The following PIM2 variants were observed in gnomAD, a reference collection of about 807,000 sequenced individuals.
The protein encoded by PIM2 is serine/threonine-protein kinase pim-2.
Under a neutral mutation model 18.0 loss-of-function variants are expected in PIM2, and 3 were observed. That is an observed-to-expected ratio of 0.17 (90% CI 0.08 to 0.43). PIM2 has a LOEUF of 0.43. Among genes scored for constraint, PIM2 ranks in the 20% least tolerant of loss-of-function variants. PIM2 has a pLI of 0.99. For synonymous variants in PIM2, 117 were observed against 105.3 expected, an observed-to-expected ratio of 1.11 and a Z score of -0.68; for missense variants, 181 against 260.8, an observed-to-expected ratio of 0.69 and a Z score of 2.11.
intron 3 of PIM2, chrX:48,915,884 C>G (rs368915090): frequency 8.7e-6 from 1 of 114,309 alleles, no homozygotes; most frequent in South Asian, 3.4e-4. Flanking sequence ...CACTGCACTC[C>G]AGCTGTCTCA....
chrX:48,914,284 G>A lies in PIM2; in HGVS notation c.783C>T (p.Ala261=). ...FPAHVSPDCC[A]LIRRCLAPKP... ...TGGGGGCCAGGCACCGGCGGATTAG[G>A]GCACAGCAGTCTGTAGGCCAAGAAG... Residue 261 remains alanine (A), a synonymous_variant, in exon 6 of 6, where the codon GCC becomes GCT. Transcript: ENST00000376509. 1 of 1,210,634 alleles carries A rather than the reference G, an allele frequency of 8.3e-7. No homozygotes were observed. Among genetic ancestry groups the A allele is most frequent in the Non-Finnish European group, 1.1e-6 (1 of 894,927 alleles).
In PIM2 at chrX:48,918,850, C is replaced by T. The variant is rs782240881; in HGVS notation, c.-16G>A. On this transcript the variant is annotated 5_prime_UTR_variant, in exon 1 of 6. Coordinates refer to ENST00000376509, the MANE Select transcript of PIM2 (RefSeq NM_006875.4). ...TGGTCAACATGGAGGTGGCGCTGCG[C>T]AGATTGAGCCCACTGAACCCGCTAA... The T allele has an allele frequency of 1.1e-5, 13 of 1,189,677 alleles. No homozygotes were observed. The South Asian group carries it at 2.4e-4, about 22-fold the overall frequency.
intron 2 of PIM2, among the ~76,000 whole-genome samples, chrX:48,918,129 T>G (rs1383248771): frequency 9.2e-6 from 1 of 109,253 alleles, no homozygotes; most frequent in East Asian, 2.9e-4. Flanking sequence ...ACAATCTTCC[T>G]ATTTAGCTCT....
chrX:48,914,341 T>C (rs1306370195), intron 5 of PIM2, 47 bp from the exon 6 acceptor site: 1 of 1,207,378 alleles, frequency 8.3e-7, no homozygotes, highest in Non-Finnish European at 1.1e-6. Flanking sequence ...CAGTAGGGGG[T>C]ACTGGTCCCT....
In PIM2 at chrX:48,918,609, C is replaced by T. The variant is rs1557045542; in HGVS notation, c.98G>A (p.Arg33Gln). 6 of 1,204,549 alleles carry T rather than the reference C, an allele frequency of 5.0e-6. No individual in the cohort carries two copies. Among genetic ancestry groups the T allele is most frequent in the Non-Finnish European group, 6.7e-6 (6 of 890,450 alleles). ...KDREAFEAEYRLGPLLGKGGF... is the reference protein window; with the variant it reads ...KDREAFEAEYQLGPLLGKGGF... ...CCCCTTACCCAGGAGGGGGCCGAGTCGATACTCGGCCTCGAACGCTTCCCG... is the reference window on the plus strand; with the variant it reads ...CCCCTTACCCAGGAGGGGGCCGAGTTGATACTCGGCCTCGAACGCTTCCCG... Residue 33 changes from arginine (R) to glutamine (Q), a missense_variant, in exon 2 of 6, where the codon CGA becomes CAA. Arg to Gln is a conservative substitution (Grantham distance 43). Around this residue, in one of 5 missense-constraint regions of PIM2, gnomAD observed 104 missense variants for 125.3 expected, o/e 0.83. Coordinates refer to ENST00000376509, the MANE Select transcript of PIM2 (RefSeq NM_006875.4).
intron 3 of PIM2, among the ~76,000 whole-genome samples, chrX:48,916,725 G>GT (rs782449518): frequency 2.5e-4 from 28 of 111,311 alleles, no homozygotes; most frequent in South Asian, 1.1e-3. Context: ...GCGGGTGCCT[G>GT]TAATTCCAGC....
rs181095235 is a variant in PIM2, at chrX:48,918,910, T to C, written c.-76A>G. On this transcript the variant is annotated 5_prime_UTR_variant, in exon 1 of 6. Coordinates refer to ENST00000376509, the MANE Select transcript of PIM2 (RefSeq NM_006875.4). ...GCGTGGACGCCCGGGGCAGCGCAGC[T>C]GGGGAGCCAGGGCTGGGGGGCGCCA... 9.6e-5 allele frequency: 89 copies of C among 927,398 alleles called. No individual in the cohort carries two copies. In the East Asian group the frequency reaches 2.6e-3, roughly 27 times the overall value. 76.4% of individuals were successfully genotyped at this position (927,398 alleles called of 1,213,427 possible). A position where few individuals can be genotyped will look rare whatever the true frequency, so the allele number is the denominator to read the frequency against.
chrX:48,913,652 C>T lies in PIM2; in HGVS notation c.*479G>A, dbSNP rs782151605. On this transcript the variant is annotated 3_prime_UTR_variant, in exon 6 of 6. Transcript: ENST00000376509. The stretch of plus-strand genomic sequence containing the variant: ...GGCTGAGGCAGGTAAGCAGCTTGAC[C>T]CAATATGGGACCCTAGGCTAGGGGA... The T allele has an allele frequency of 9.2e-6, 1 of 109,277 alleles. No individual in the cohort carries two copies. Among genetic ancestry groups the T allele is most frequent in the Admixed American group, 9.9e-5 (1 of 10,132 alleles). 9.0% of individuals were successfully genotyped at this position (109,277 alleles called of 1,213,427 possible).
chrX:48,917,975 G>C, intron 2 of PIM2, 144 bp from the exon 3 acceptor site: 1 of 498,606 alleles, frequency 2.0e-6, no homozygotes, highest in Non-Finnish European at 3.6e-6. Flanking sequence ...CACAGAACGC[G>C]TACCAGGGCG....
chrX:48,918,665 G>T lies in PIM2; in HGVS notation c.62-20C>A. On this transcript the variant is annotated intron_variant, in intron 1 of 5. Transcript: ENST00000376509. Reference sequence around the variant, plus strand: ...TGCCTCCTACGCAGGCGGAGGCGAGGAAGTCAGGGTGGCGGCGTGCTGAGC... The same window carrying T: ...TGCCTCCTACGCAGGCGGAGGCGAGTAAGTCAGGGTGGCGGCGTGCTGAGC... The T allele has an allele frequency of 8.6e-7, 1 of 1,159,828 alleles. No homozygotes were observed. Among genetic ancestry groups the T allele is most frequent in the Non-Finnish European group, 1.2e-6 (1 of 852,636 alleles).
Position 48,915,308 on chromosome X carries a change from G to A in PIM2, c.307C>T (p.Leu103Phe), listed in dbSNP as rs781978891. 16 of 1,211,579 alleles carry A rather than the reference G, an allele frequency of 1.3e-5. No homozygotes were observed. The highest frequency in any genetic ancestry group is 1.8e-5 in the Non-Finnish European group (16 of 895,176). The change falls in exon 4 of 6, where the codon CTT becomes TTT. Residue 103 changes from leucine to phenylalanine, a missense_variant. By Grantham distance (22) the Leu-to-Phe change is conservative (BLOSUM62 0). Coordinates refer to ENST00000376509, the MANE Select transcript of PIM2 (RefSeq NM_006875.4). ...GGGHPGVIRLLDWFETQEGFM... is the reference protein window; with the variant it reads ...GGGHPGVIRLFDWFETQEGFM... ...CCCTCCTGTGTCTCAAACCAGTCAA[G>A]CAGGCGGATCACGCCAGGGTGCCCA...
rs2063552191 is a variant in PIM2, at chrX:48,913,319, C to T, written c.*812G>A. 1.8e-5 allele frequency: 2 copies of T among 110,540 alleles called. No individual in the cohort carries two copies. Among genetic ancestry groups the T allele is most frequent in the Non-Finnish European group, 3.8e-5 (2 of 52,814 alleles). 9.1% of individuals were successfully genotyped at this position (110,540 alleles called of 1,213,427 possible). On this transcript the variant is annotated 3_prime_UTR_variant, in exon 6 of 6. Coordinates refer to ENST00000376509, the MANE Select transcript of PIM2 (RefSeq NM_006875.4). Reference sequence around the variant, plus strand: ...GATTATTTACATTTTAGTAATTGGACAATCCCGGCTCAGGAGGAGGTTGCA... The same window carrying T: ...GATTATTTACATTTTAGTAATTGGATAATCCCGGCTCAGGAGGAGGTTGCA...
Position 48,914,270 on chromosome X carries a change from C to T in PIM2, c.797G>A (p.Cys266Tyr). 8.3e-7 allele frequency: 1 copy of T among 1,209,588 alleles called. No individual in the cohort carries two copies. Among genetic ancestry groups the T allele is most frequent in the Non-Finnish European group, 1.1e-6 (1 of 894,417 alleles). ...TCGGGAAGAAGGTTTGGGGGCCAGGCACCGGCGGATTAGGGCACAGCAGTC... is the reference window on the plus strand; with the variant it reads ...TCGGGAAGAAGGTTTGGGGGCCAGGTACCGGCGGATTAGGGCACAGCAGTC... ...SPDCCALIRR[C>Y]LAPKPSSRPS... Residue 266 changes from cysteine to tyrosine, a missense_variant, in exon 6 of 6, where the codon TGC (cysteine) becomes TAC (tyrosine). Coordinates refer to ENST00000376509, the MANE Select transcript of PIM2 (RefSeq NM_006875.4).
chrX:48,916,079 CAGTT>C (rs1267635579), intron 3 of PIM2, among the ~76,000 whole-genome samples: 1 of 112,695 alleles, frequency 8.9e-6, no homozygotes, highest in African/African-American at 3.2e-5. Flanking sequence ...CTCTGACAAG[CAGTT>C]AGCACTCAAT....
Position 48,915,120 on chromosome X carries a change from C to T in PIM2, c.495G>A (p.Lys165=), listed in dbSNP as rs184388253. ...GTAGGTCTATCAGGATGTTCTCATCCTTGATGTCACGATGGACAACTCCAC... is the reference window on the plus strand; with the variant it reads ...GTAGGTCTATCAGGATGTTCTCATCTTTGATGTCACGATGGACAACTCCAC... ...HSRGVVHRDI[K]DENILIDLRR... The change falls in exon 4 of 6, where the codon AAG becomes AAA. Residue 165 remains lysine, a synonymous_variant. Coordinates refer to ENST00000376509, the MANE Select transcript of PIM2 (RefSeq NM_006875.4). 5 of 1,210,877 alleles carry T rather than the reference C, an allele frequency of 4.1e-6. No individual in the cohort carries two copies. Among genetic ancestry groups the T allele is most frequent in the Non-Finnish European group, 5.6e-6 (5 of 895,249 alleles).
At chrX:48,914,616 C>CT in intron 4 of PIM2, 45 bp from the exon 5 acceptor site, 16 of 1,098,589 alleles carry the variant, frequency 1.5e-5, no homozygotes, top group Admixed American at 2.6e-5. Flanking sequence ...TCATGATGCC[C>CT]TTCTCCAACC....
rs1439336936 is a variant in PIM2 at position 48,913,458 on chromosome X, G to C, written c.*673C>G. On this transcript the variant is annotated 3_prime_UTR_variant, in exon 6 of 6. Transcript: ENST00000376509. Reference sequence around the variant, plus strand: ...CCATCCTAGTGTCTGGTGGTGTCCGGTGGTGTCCATCTTCCATTCCTTCCC... The same window carrying C: ...CCATCCTAGTGTCTGGTGGTGTCCGCTGGTGTCCATCTTCCATTCCTTCCC... 9.4e-6 allele frequency: 1 copy of C among 106,343 alleles called. No homozygotes were observed. The highest frequency in any genetic ancestry group is 1.9e-5 in the Non-Finnish European group (1 of 51,732). 8.8% of individuals were successfully genotyped at this position (106,343 alleles called of 1,213,427 possible). A position where few individuals can be genotyped will look rare whatever the true frequency, so the allele number is the denominator to read the frequency against.
intron 2 of PIM2, among the ~76,000 whole-genome samples, chrX:48,918,312 C>G (rs2063569069): frequency 1.3e-5 from 1 of 77,645 alleles, no homozygotes; most frequent in African/African-American, 4.8e-5. Context: ...CCCCCCCCCG[C>G]CCATAACCTC....
At chrX:48,916,437 C>T (rs922217843) in intron 3 of PIM2, among the ~76,000 whole-genome samples, 6 of 112,986 alleles carry the variant, frequency 5.3e-5, no homozygotes, top group Non-Finnish European at 1.1e-4. Context: ...TGTGGCCCTG[C>T]GCAGTGGCTC....
Sources: allele counts gnomAD v4.1 joint callset (sites outside exome capture counted in the v4.1 genomes callset), GRCh38; gene constraint gnomAD v4.1.1; regional missense constraint gnomAD v4.1.1; transcripts MANE v1.5; gene names NCBI Gene and HGNC (gene_info 2026-07-23, HGNC 2026-07-21).